USP45: variants seen among roughly 807,000 people sequenced by gnomAD.
USP45 encodes the protein ubiquitin carboxyl-terminal hydrolase 45.
USP45 carries 89 observed loss-of-function variants against 95.8 expected under a neutral mutation model. The observed-to-expected ratio is 0.93, with a 90% CI of 0.78 to 1.11. The LOEUF (loss-of-function observed/expected upper bound fraction) is 1.11, where lower values mean the gene tolerates loss of function less well. USP45 is among the 50% of genes least tolerant of loss of function. The pLI is 0.00. For synonymous variants in USP45, 281 were observed against 316.2 expected, an observed-to-expected ratio of 0.89 and a Z score of 1.18; for missense variants, 898 against 942.5, an observed-to-expected ratio of 0.95 and a Z score of 0.62.
intron 13 of USP45, chr6:99,462,601 T>G: frequency 2.0e-6 from 2 of 985,406 alleles, no homozygotes; most frequent in Non-Finnish European, 2.4e-6. Context: ...ATATATCTTA[T>G]GAAGCAAAAT....
intron 1 of USP45, among the ~76,000 whole-genome samples, chr6:99,511,513 A>G (rs1799789465): frequency 6.6e-6 from 1 of 151,430 alleles, no homozygotes; most frequent in Admixed American, 6.6e-5. Context: ...CAGTGGCCTG[A>G]TTTCAGCTCA....
intron 9 of USP45, among the ~76,000 whole-genome samples, chr6:99,471,296 C>G (rs751541281): frequency 6.6e-6 from 1 of 152,156 alleles, no homozygotes; most frequent in Non-Finnish European, 1.5e-5. Context: ...AAGATACATA[C>G]TTTGGTCAGG....
chr6:99,462,049 A>C, intron 13 of USP45: 2 of 985,384 alleles, frequency 2.0e-6, no homozygotes, highest in Non-Finnish European at 2.4e-6. Context: ...TAGTACCTTA[A>C]AGATGTTATT....
rs1473462330 is a variant in USP45, at chr6:99,464,620, G to A, written c.1292C>T (p.Ser431Phe). Residue 431 changes from serine (S) to phenylalanine (F), a missense_variant, in exon 13 of 18, where the codon TCT becomes TTT. Transcript: ENST00000500704. Reference sequence around the variant, plus strand: ...TGGTCTTACCTTATCTTTAGATGAAGAATGCTTCTTGGCAGCTCTAGGTTG... The same window carrying A: ...TGGTCTTACCTTATCTTTAGATGAAAAATGCTTCTTGGCAGCTCTAGGTTG... Reference protein sequence around the residue: ...IHQPRAAKKHSSSKDKSQLIH... With the variant: ...IHQPRAAKKHFSSKDKSQLIH... The A allele has an allele frequency of 6.2e-7, 1 of 1,612,072 alleles. No individual in the cohort carries two copies. Among genetic ancestry groups the A allele is most frequent in the Admixed American group, 1.7e-5 (1 of 59,720 alleles).
Position 99,476,250 on chromosome 6 carries a change from G to C in USP45, c.846-20C>G. 1 of 1,603,662 alleles carries C rather than the reference G, an allele frequency of 6.2e-7. No homozygotes were observed. Among genetic ancestry groups the C allele is most frequent in the Non-Finnish European group, 8.5e-7 (1 of 1,172,478 alleles). On this transcript the variant is annotated intron_variant, in intron 8 of 17. Coordinates refer to ENST00000500704, the MANE Select transcript of USP45 (RefSeq NM_001346022.3). ...GGTGCCCTGTGATTTAAAAACAAAA[G>C]AGGAAAGAAAAAAAGAATAATCATT...
chr6:99,479,759 CACTT>C (rs1791901025), intron 8 of USP45, among the ~76,000 whole-genome samples: 1 of 152,218 alleles, frequency 6.6e-6, no homozygotes, highest in African/African-American at 2.4e-5. Context: ...GTTATTATCA[CACTT>C]ACGTGTGAAA....
At chr6:99,485,610 G>A (rs890461760) in intron 7 of USP45, among the ~76,000 whole-genome samples, 1 of 152,198 alleles carries the variant, frequency 6.6e-6, no homozygotes. Flanking sequence ...CCAGATGCTG[G>A]TAATGTTACT....
chr6:99,462,740 G>A (rs1786784370), intron 13 of USP45: 4 of 976,690 alleles, frequency 4.1e-6, no homozygotes, highest in Non-Finnish European at 4.9e-6. Flanking sequence ...AGCACTTTGG[G>A]AGACCAAGGC....
rs1485230936 is a variant in USP45, at chr6:99,488,769, T to C, written c.530A>G (p.Glu177Gly). 1 of 1,603,430 alleles carries C rather than the reference T, an allele frequency of 6.2e-7. No homozygotes were observed. Among genetic ancestry groups the C allele is most frequent in the Non-Finnish European group, 8.5e-7 (1 of 1,176,188 alleles). The change falls in exon 6 of 18, where the codon GAA becomes GGA. Residue 177 changes from glutamate (E) to glycine (G), a missense_variant. Coordinates refer to ENST00000500704, the MANE Select transcript of USP45 (RefSeq NM_001346022.3). Reference protein sequence around the residue: ...KLCEEKCETDEIQKGGKCRNL... With the variant: ...KLCEEKCETDGIQKGGKCRNL... ...TCTGCATTTTCCTCCCTTCTGTATT[T>C]CATCTGTTTCACATTTTTCTTCACA...
Position 99,503,860 on chromosome 6 carries a change from T to C in USP45, c.383A>G (p.Tyr128Cys). 6.4e-7 allele frequency: 1 copy of C among 1,568,056 alleles called. No homozygotes were observed. The highest frequency in any genetic ancestry group is 8.6e-7 in the Non-Finnish European group (1 of 1,157,972). The change falls in exon 5 of 18, where the codon TAT becomes TGT. Residue 128 changes from tyrosine to cysteine, a missense_variant. Transcript: ENST00000500704. ...INLSTWIIWCYECDEKLSTHC... is the reference protein window; with the variant it reads ...INLSTWIIWCCECDEKLSTHC... ...CGTTGATAATTTTTCATCACATTCA[T>C]AACACCTGAAAAAGTATAAAATTTA... is the stretch of plus-strand genomic sequence containing the variant.
chr6:99,472,429 T>C (rs933853592), intron 9 of USP45, among the ~76,000 whole-genome samples: 1 of 152,092 alleles, frequency 6.6e-6, no homozygotes, highest in African/African-American at 2.4e-5. Flanking sequence ...TTGGCCAAGC[T>C]GGTCTCGAAC....
At chr6:99,462,087 C>T (rs1583122659) in intron 13 of USP45, 4 of 984,754 alleles carry the variant, frequency 4.1e-6, no homozygotes, top group South Asian at 4.7e-5. Context: ...ATTTTAGAAC[C>T]GTATGCAAAC....
chr6:99,461,740 A>C (rs1039147201), intron 13 of USP45: 1 of 984,996 alleles, frequency 1.0e-6, no homozygotes, highest in Non-Finnish European at 1.2e-6. Flanking sequence ...TCAAATCAGT[A>C]CTTGTGCCTC....
rs11968938 is a variant in USP45 at position 99,481,277 on chromosome 6, A to G, written c.845+1476T>C. 6.2e-4 allele frequency among the ~76,000 whole-genome samples: 94 copies of G among 152,344 alleles called. 1 individual carries two copies. The highest frequency in any genetic ancestry group is 2.1e-3 in the African/African-American group (89 of 41,586). ...ATCAAGCAAGTTGCAAAAAATTTGCATATGTCTGTGTATGTATGATCACTT... is the reference window on the plus strand; with the variant it reads ...ATCAAGCAAGTTGCAAAAAATTTGCGTATGTCTGTGTATGTATGATCACTT... On this transcript the variant is annotated intron_variant, in intron 8 of 17. Coordinates refer to ENST00000500704, the MANE Select transcript of USP45 (RefSeq NM_001346022.3).
chr6:99,434,665 A>C lies in USP45; in HGVS notation c.*1051T>G, dbSNP rs544550816. 20 of 152,348 alleles carry C rather than the reference A, an allele frequency of 1.3e-4. No homozygotes were observed. Among genetic ancestry groups the C allele is most frequent in the African/African-American group, 4.1e-4 (17 of 41,592 alleles). The allele number at this position is 152,348 out of a possible 1,614,324, so 9.4% of individuals were successfully genotyped here. On this transcript the variant is annotated 3_prime_UTR_variant, in exon 18 of 18. Transcript: ENST00000500704. ...CTGAACTTATTAATGATGCTTGCTGAAGACAAAGTGATTTCAAAACCCCAA... is the reference window on the plus strand; with the variant it reads ...CTGAACTTATTAATGATGCTTGCTGCAGACAAAGTGATTTCAAAACCCCAA...
At chr6:99,487,761 C>T (rs1043402720) in intron 7 of USP45, among the ~76,000 whole-genome samples, 4 of 151,888 alleles carry the variant, frequency 2.6e-5, no homozygotes, top group African/African-American at 9.7e-5. Context: ...CGCCACTGCA[C>T]TCCAGCCTGC....
At chr6:99,499,307 T>A (rs1337077225) in intron 5 of USP45, among the ~76,000 whole-genome samples, 1 of 152,212 alleles carries the variant, frequency 6.6e-6, no homozygotes, top group African/African-American at 2.4e-5. Flanking sequence ...AGTTTCATAT[T>A]CCTTTTATCA....
intron 9 of USP45, among the ~76,000 whole-genome samples, 178 bp downstream of exon 9, chr6:99,475,965 C>A (rs1013173654): frequency 6.6e-6 from 1 of 152,170 alleles, no homozygotes; most frequent in Non-Finnish European, 1.5e-5. Flanking sequence ...GCTGGAATTA[C>A]AGGTATGCAC....
chr6:99,476,963 T>C (rs936257723), intron 8 of USP45, among the ~76,000 whole-genome samples: 9 of 152,232 alleles, frequency 5.9e-5, no homozygotes, highest in African/African-American at 2.2e-4. Context: ...TTGATTTCAG[T>C]AACTTTAAAA....
Sources: gnomAD v4.1 joint callset for allele counts (sites outside exome capture counted in the v4.1 genomes callset) on GRCh38, gnomAD v4.1.1 for gene constraint, MANE v1.5 for transcripts, NCBI Gene and HGNC (gene_info 2026-07-23, HGNC 2026-07-21) for gene names.